The following ZNF536 variants were observed in gnomAD, a reference collection of about 807,000 sequenced individuals.
The protein encoded by ZNF536 is zinc finger protein 536.
A neutral mutation model predicts 84.5 loss-of-function variants in ZNF536; 13 were observed. The observed-to-expected ratio is 0.15, with a 90% CI of 0.10 to 0.24. The LOEUF is 0.24. ZNF536 is among the 10% of genes least tolerant of loss of function. ZNF536 has a pLI of 1.00. For missense variants in ZNF536, 1,536 were observed against 1,747.5 expected (o/e 0.88, Z 2.16); for synonymous variants, 811 against 742.5 (o/e 1.09, Z -1.50).
chr19:30,616,247 T>C (rs2048290365), intron 1 of ZNF536, among the ~76,000 whole-genome samples: 1 of 152,250 alleles, frequency 6.6e-6, no homozygotes, highest in South Asian at 2.1e-4. Context: ...GTGGACATCC[T>C]GTCCCTGACT....
chr19:30,469,698 T>A (rs1443381503), intron 2 of ZNF536, among the ~76,000 whole-genome samples: 1 of 152,106 alleles, frequency 6.6e-6, no homozygotes, highest in African/African-American at 2.4e-5. Flanking sequence ...GGCACCCTGC[T>A]CCTCTGGGGA....
chr19:30,376,891 G>A (rs997145795), intron 1 of ZNF536, among the ~76,000 whole-genome samples: 19 of 152,264 alleles, frequency 1.2e-4, no homozygotes, highest in East Asian at 1.2e-3. Flanking sequence ...TCATTGCTGC[G>A]CCCAGCATCT....
At chr19:30,511,132 G>A (rs1219536932) in intron 2 of ZNF536, among the ~76,000 whole-genome samples, 1 of 152,116 alleles carries the variant, frequency 6.6e-6, no homozygotes, top group African/African-American at 2.4e-5. Flanking sequence ...AAGATGGGCT[G>A]CTCCTGGCAG....
chr19:30,328,540 T>C (rs555586337), intron 2 of ZNF536, among the ~76,000 whole-genome samples: 82 of 152,338 alleles, frequency 5.4e-4, no homozygotes, highest in African/African-American at 1.9e-3. Flanking sequence ...CAATAAATGG[T>C]GATGCATTGT....
chr19:30,661,326 T>C (rs961353483), intron 1 of ZNF536, among the ~76,000 whole-genome samples: 1 of 152,174 alleles, frequency 6.6e-6, no homozygotes, highest in Admixed American at 6.5e-5. Context: ...CAGAATTGAA[T>C]AGTGGTCATG....
At chr19:30,450,498 C>A (rs1025323215) in intron 2 of ZNF536, among the ~76,000 whole-genome samples, 3 of 152,164 alleles carry the variant, frequency 2.0e-5, no homozygotes, top group South Asian at 2.1e-4. Flanking sequence ...TTGGGGAGAC[C>A]CCCCTGGGCA....
intron 1 of ZNF536, among the ~76,000 whole-genome samples, chr19:30,374,057 T>C (rs1387572067): frequency 1.3e-5 from 2 of 152,248 alleles, no homozygotes; most frequent in African/African-American, 4.8e-5. Flanking sequence ...TTTATTATTA[T>C]TATTTTTTAA....
intron 2 of ZNF536, among the ~76,000 whole-genome samples, chr19:30,497,121 C>T (rs183964061): frequency 4.6e-5 from 7 of 152,300 alleles, no homozygotes; most frequent in East Asian, 1.9e-4. Flanking sequence ...ACACACATAC[C>T]GAGAGACACT....
chr19:30,637,903 A>C (rs2049131094), intron 1 of ZNF536, among the ~76,000 whole-genome samples: 1 of 151,934 alleles, frequency 6.6e-6, no homozygotes. Context: ...TTTTTTTGCA[A>C]AGCTGGTGTT....
chr19:30,348,209 C>T (rs1024279214), intron 2 of ZNF536, among the ~76,000 whole-genome samples: 2 of 152,106 alleles, frequency 1.3e-5, no homozygotes, highest in Non-Finnish European at 2.9e-5. Context: ...TTTGTTAGTT[C>T]CTTCCTTCAT....
Position 30,431,645 on chromosome 19 carries a change from G to A in ZNF536, c.-2-11916G>A, listed in dbSNP as rs989931825. Among the ~76,000 whole-genome samples the A allele has an allele frequency of 3.3e-5, 5 of 152,194 alleles. 1 individual carries two copies. Among genetic ancestry groups the A allele is most frequent in the East Asian group, 3.9e-4 (2 of 5,186 alleles). On this transcript the variant is annotated intron_variant, in intron 1 of 4. Coordinates refer to ENST00000355537, the MANE Select transcript of ZNF536 (RefSeq NM_014717.3). ...GAAATGAAAATAAACTGTTCGACAC[G>A]ATATCATAGTCCACAAGTGCTCAAA...
At chr19:30,522,262 C>CACATATATATATACAT (rs2044375836) in intron 2 of ZNF536, among the ~76,000 whole-genome samples, 3 of 7,624 alleles carry the variant, frequency 3.9e-4, no homozygotes, top group African/African-American at 2.2e-3. Flanking sequence ...GATATATATA[C>CACATATATATATACAT]ATATATATAT....
chr19:30,597,868 G>A (rs890427459), intron 1 of ZNF536, among the ~76,000 whole-genome samples: 4 of 150,912 alleles, frequency 2.7e-5, no homozygotes, highest in African/African-American at 9.9e-5. Flanking sequence ...TGTTGTTATT[G>A]ATATGTGTAT....
chr19:30,463,339 G>C (rs974091670), intron 2 of ZNF536, among the ~76,000 whole-genome samples: 1 of 152,152 alleles, frequency 6.6e-6, no homozygotes. Context: ...CTCAGCCTCA[G>C]GTGGAAGATC....
chr19:30,452,477 T>A (rs1420599656), intron 2 of ZNF536, among the ~76,000 whole-genome samples: 4 of 151,940 alleles, frequency 2.6e-5, no homozygotes, highest in Non-Finnish European at 5.9e-5. Flanking sequence ...CTCAAAGGGG[T>A]GGGGACAGGG....
intron 1 of ZNF536, among the ~76,000 whole-genome samples, chr19:30,704,924 C>CG (rs2052162737): frequency 2.8e-5 from 4 of 141,970 alleles, no homozygotes; most frequent in African/African-American, 1.0e-4. Context: ...GAGCTCAGCA[C>CG]TTTTTTTTTT....
At chr19:30,242,178 C>T (rs1215380406) in intron 1 of ZNF536, among the ~76,000 whole-genome samples, 1 of 152,038 alleles carries the variant, frequency 6.6e-6, no homozygotes, top group Non-Finnish European at 1.5e-5. Flanking sequence ...CCCTCTTGCC[C>T]TCCTTCTATT....
intron 1 of ZNF536, among the ~76,000 whole-genome samples, chr19:30,378,786 G>GC (rs1458144182): frequency 6.6e-6 from 1 of 152,212 alleles, no homozygotes; most frequent in Non-Finnish European, 1.5e-5. Flanking sequence ...AACCTTGAGT[G>GC]CCCCTTAACA....
chr19:30,674,593 G>A (rs556278297), intron 1 of ZNF536, among the ~76,000 whole-genome samples: 53 of 152,306 alleles, frequency 3.5e-4, no homozygotes, highest in African/African-American at 1.0e-3. Context: ...TCTGGGACCT[G>A]AAGAGCACTC....
Sources: allele counts gnomAD v4.1 joint callset (sites outside exome capture counted in the v4.1 genomes callset), GRCh38; gene constraint gnomAD v4.1.1; transcripts MANE v1.5; gene names NCBI Gene and HGNC (gene_info 2026-07-23, HGNC 2026-07-21).